PPP4R2: variants seen among roughly 807,000 people sequenced by gnomAD.
PPP4R2 encodes the protein protein phosphatase 4 regulatory subunit 2.
Under a neutral mutation model 47.2 loss-of-function variants are expected in PPP4R2, and 13 were observed. That is an observed-to-expected ratio of 0.28 (90% CI 0.18 to 0.44). The LOEUF (loss-of-function observed/expected upper bound fraction) is 0.44, where lower values mean the gene tolerates loss of function less well. PPP4R2 is among the 20% of genes least tolerant of loss of function. The pLI, the probability that PPP4R2 is intolerant of heterozygous loss-of-function variation, is 1.00. For missense variants in PPP4R2, 421 were observed against 491.2 expected (o/e 0.86, Z 1.35); for synonymous variants, 151 against 163.3 (o/e 0.92, Z 0.57).
rs541187166 is a variant in PPP4R2, at chr3:73,050,389, T to G, written c.287+3033T>G. ...TTCTATTTTTAATTTACTCTTTTTT[T>G]GTCTGTATTTTAATATATTGGTATG... is the stretch of plus-strand genomic sequence containing the variant. On this transcript the variant is annotated intron_variant, in intron 3 of 8. Coordinates refer to ENST00000356692, the MANE Select transcript of PPP4R2 (RefSeq NM_174907.4). 4.6e-5 allele frequency among the ~76,000 whole-genome samples: 7 copies of G among 152,280 alleles called. No homozygotes were observed. The South Asian group carries it at 8.3e-4, about 18-fold the overall frequency.
intron 3 of PPP4R2, among the ~76,000 whole-genome samples, chr3:73,051,888 G>A (rs758301178): frequency 6.6e-6 from 1 of 152,286 alleles, no homozygotes; most frequent in South Asian, 2.1e-4. Context: ...GCCTCCCAAA[G>A]TGCTGGGATT....
chr3:73,008,473 A>G (rs539239141), intron 2 of PPP4R2, among the ~76,000 whole-genome samples: 2 of 152,196 alleles, frequency 1.3e-5, no homozygotes, highest in South Asian at 4.1e-4. Context: ...CATGTTTTCC[A>G]TGGTCGGTTT....
chr3:73,062,786 T>C, intron 5 of PPP4R2: 4 of 1,613,960 alleles, frequency 2.5e-6, no homozygotes, highest in Non-Finnish European at 3.4e-6. Context: ...TCAGCTGCAA[T>C]GCAGAATCAG....
chr3:73,018,451 A>ATGTTATGTTAT (rs1361825798), intron 2 of PPP4R2, among the ~76,000 whole-genome samples: 1 of 99,588 alleles, frequency 1.0e-5, no homozygotes, highest in African/African-American at 4.6e-5. Flanking sequence ...ATGTTATGTT[A>ATGTTATGTTAT]TTTATGTTAT....
At chr3:73,002,128 C>G (rs1348143264) in intron 2 of PPP4R2, among the ~76,000 whole-genome samples, 4 of 152,210 alleles carry the variant, frequency 2.6e-5, no homozygotes, top group African/African-American at 9.7e-5. Context: ...CTTAACTTCA[C>G]TTAACATAAT....
At chr3:73,052,866 C>T (rs1254681179) in intron 3 of PPP4R2, among the ~76,000 whole-genome samples, 1 of 152,206 alleles carries the variant, frequency 6.6e-6, no homozygotes, top group Admixed American at 6.5e-5. Context: ...ATCTTTATAT[C>T]ATCTGTTAAG....
chr3:73,001,092 G>C (rs1701448445), intron 2 of PPP4R2, among the ~76,000 whole-genome samples: 1 of 152,010 alleles, frequency 6.6e-6, no homozygotes, highest in African/African-American at 2.4e-5. Flanking sequence ...ATGTGAATCA[G>C]ATATTTCTCA....
At chr3:73,016,780 A>T (rs1701844755) in intron 2 of PPP4R2, among the ~76,000 whole-genome samples, 1 of 74,522 alleles carries the variant, frequency 1.3e-5, no homozygotes, top group African/African-American at 5.8e-5. Context: ...TCTGTCACCC[A>T]TTCTGTTAAC....
intron 2 of PPP4R2, among the ~76,000 whole-genome samples, chr3:73,036,605 A>T (rs1250881533): frequency 6.6e-6 from 1 of 152,222 alleles, no homozygotes; most frequent in Admixed American, 6.5e-5. Flanking sequence ...AGTAGCGTTG[A>T]CATGTTCATT....
At chr3:73,046,092 A>T (rs1702481023) in intron 2 of PPP4R2, among the ~76,000 whole-genome samples, 1 of 152,200 alleles carries the variant, frequency 6.6e-6, no homozygotes, top group African/African-American at 2.4e-5. Flanking sequence ...GAGTTTGTGA[A>T]AATTCTGGCT....
intron 2 of PPP4R2, among the ~76,000 whole-genome samples, chr3:73,042,486 T>C (rs1702400640): frequency 6.7e-6 from 1 of 149,398 alleles, no homozygotes; most frequent in African/African-American, 2.5e-5. Context: ...TGTCTCAGCC[T>C]CCCGAGTAGC....
rs573517641 is a variant in PPP4R2, at chr3:73,043,180, C to T, written c.117-4006C>T. Among the ~76,000 whole-genome samples the T allele has an allele frequency of 3.3e-5, 5 of 152,004 alleles. No homozygotes were observed. In the South Asian group the frequency reaches 1.0e-3, roughly 32 times the overall value. ...GCGTCCTATTTCAGTATAACTTGCC[C>T]TGGTATGTTTAAGTATGAAGTGCAT... On this transcript the variant is annotated intron_variant, in intron 2 of 8. Transcript: ENST00000356692.
At chr3:73,057,123 G>GT (rs1451633823) in intron 3 of PPP4R2, among the ~76,000 whole-genome samples, 5 of 152,100 alleles carry the variant, frequency 3.3e-5, no homozygotes, top group Non-Finnish European at 7.4e-5. Context: ...AGGAGCTAAG[G>GT]TGAGTTATAC....
intron 3 of PPP4R2, among the ~76,000 whole-genome samples, chr3:73,051,825 C>T (rs1371260130): frequency 1.3e-5 from 2 of 152,102 alleles, no homozygotes; most frequent in Non-Finnish European, 2.9e-5. Flanking sequence ...TGGGGTTTCA[C>T]CCTGTTAGCC....
chr3:73,026,623 G>A (rs1348763704), intron 2 of PPP4R2, among the ~76,000 whole-genome samples: 3 of 152,062 alleles, frequency 2.0e-5, no homozygotes, highest in Non-Finnish European at 2.9e-5. Context: ...CCCGCAGGCT[G>A]CATGCAGCCC....
chr3:73,059,718 C>T (rs1025743503), intron 4 of PPP4R2, among the ~76,000 whole-genome samples: 6 of 151,736 alleles, frequency 4.0e-5, no homozygotes, highest in Non-Finnish European at 8.8e-5. Flanking sequence ...GTGGGTGGAT[C>T]ACGGTCAGGA....
At chr3:73,019,370 T>TTTTA (rs897363024) in intron 2 of PPP4R2, among the ~76,000 whole-genome samples, 20 of 152,196 alleles carry the variant, frequency 1.3e-4, no homozygotes, top group African/African-American at 4.3e-4. Flanking sequence ...GGAACTATTA[T>TTTTA]TTTATTTATT....
chr3:73,010,219 A>G (rs1487074057), intron 2 of PPP4R2, among the ~76,000 whole-genome samples: 2 of 151,132 alleles, frequency 1.3e-5, no homozygotes, highest in African/African-American at 2.5e-5. Flanking sequence ...AAAATAGAAA[A>G]CTTTTTTGTT....
chr3:73,061,327 C>T (rs1702854072), intron 5 of PPP4R2: 1 of 200,062 alleles, frequency 5.0e-6, no homozygotes, highest in Non-Finnish European at 9.9e-6. Flanking sequence ...TGTGGTGGCA[C>T]TCATTGCCCT....
Sources: allele counts gnomAD v4.1 joint callset (sites outside exome capture counted in the v4.1 genomes callset), GRCh38; gene constraint gnomAD v4.1.1; transcripts MANE v1.5; gene names NCBI Gene and HGNC (gene_info 2026-07-23, HGNC 2026-07-21).